SGCZ: variants seen among roughly 807,000 people sequenced by gnomAD.
SGCZ encodes zeta-sarcoglycan.
In SGCZ, 40 loss-of-function variants were observed where a neutral mutation model predicts 41.3. The observed-to-expected ratio is 0.97, with a 90% confidence interval of 0.75 to 1.26. SGCZ has a LOEUF of 1.26. SGCZ is among the 50% of genes most tolerant of loss of function. The pLI is 0.00. For missense variants in SGCZ, 552 were observed against 369.8 expected (o/e 1.49, Z -4.04); for synonymous variants, 206 against 137.5 (o/e 1.50, Z -3.49).
At chr8:14,228,354 A>C (rs1806446391) in intron 4 of SGCZ, among the ~76,000 whole-genome samples, 1 of 152,090 alleles carries the variant, frequency 6.6e-6, no homozygotes, top group African/African-American at 2.4e-5. Flanking sequence ...AAAATATCTA[A>C]AAGAGAAAAT....
At chr8:14,230,227 G>C (rs10216716) in intron 4 of SGCZ, among the ~76,000 whole-genome samples, 1 of 151,738 alleles carries the variant, frequency 6.6e-6, no homozygotes, top group Non-Finnish European at 1.5e-5. Context: ...GAAAAGAGTC[G>C]TGGAGACAAT....
intron 1 of SGCZ, among the ~76,000 whole-genome samples, chr8:15,050,525 C>G (rs1323510444): frequency 1.3e-5 from 2 of 152,130 alleles, no homozygotes; most frequent in African/African-American, 2.4e-5. Flanking sequence ...ACATGTGACC[C>G]ATGATGTAAG....
chr8:14,321,647 C>G lies in SGCZ; in HGVS notation c.336+2456G>C, dbSNP rs142760524. On this transcript the variant is annotated intron_variant, in intron 3 of 7. Transcript: ENST00000382080. ...TAGAGGTTAAACATACACAACCACA[C>G]ACAGAAATCAAAATTATTCTACCCA... 2.7e-3 allele frequency among the ~76,000 whole-genome samples: 413 copies of G among 152,226 alleles called. 1 individual carries two copies. Among genetic ancestry groups the G allele is most frequent in the African/African-American group, 9.2e-3 (383 of 41,550 alleles).
intron 6 of SGCZ, among the ~76,000 whole-genome samples, chr8:14,107,244 A>T (rs565206761): frequency 8.5e-4 from 129 of 152,038 alleles, no homozygotes; most frequent in South Asian, 4.4e-3. Context: ...ATAAATAAAA[A>T]AAAAAAACAT....
chr8:14,950,313 G>A (rs1438375123), intron 1 of SGCZ, among the ~76,000 whole-genome samples: 1 of 151,832 alleles, frequency 6.6e-6, no homozygotes, highest in African/African-American at 2.4e-5. Context: ...AATGTTTTAT[G>A]TATCTCCCTC....
chr8:15,012,213 C>G (rs970872916), intron 1 of SGCZ, among the ~76,000 whole-genome samples: 1 of 151,722 alleles, frequency 6.6e-6, no homozygotes, highest in Non-Finnish European at 1.5e-5. Context: ...CTGTAATACC[C>G]GCATTTTGGG....
At chr8:14,814,758 C>T (rs148049037) in intron 1 of SGCZ, among the ~76,000 whole-genome samples, 2 of 152,046 alleles carry the variant, frequency 1.3e-5, no homozygotes, top group East Asian at 1.9e-4. Context: ...TTGCAGAAAT[C>T]GGTTAAGACT....
At chr8:14,519,837 C>A (rs1325357009) in intron 2 of SGCZ, among the ~76,000 whole-genome samples, 1 of 152,078 alleles carries the variant, frequency 6.6e-6, no homozygotes, top group East Asian at 1.9e-4. Flanking sequence ...GCGTGGCATA[C>A]CACTGATCGT....
chr8:14,351,588 T>C (rs1002040106), intron 2 of SGCZ, among the ~76,000 whole-genome samples: 1 of 151,292 alleles, frequency 6.6e-6, no homozygotes, highest in Non-Finnish European at 1.5e-5. Context: ...GTATATATTA[T>C]ATAGGAAATT....
rs187572260 is a variant in SGCZ, at chr8:14,526,823, C to G, written c.234+27909G>C. Among the ~76,000 whole-genome samples the G allele has an allele frequency of 7.2e-4, 110 of 152,096 alleles. No individual in the cohort carries two copies. The East Asian group carries it at 0.019, about 27-fold the overall frequency. ...CAGGAGAATTTATCTATGACAGATT[C>G]GTACCACATACACAAAACTGAGCTT... On this transcript the variant is annotated intron_variant, in intron 2 of 7. Transcript: ENST00000382080.
chr8:14,696,052 A>T (rs1808950717), intron 1 of SGCZ, among the ~76,000 whole-genome samples: 2 of 152,064 alleles, frequency 1.3e-5, no homozygotes, highest in Non-Finnish European at 1.5e-5. Flanking sequence ...TCCCGGGACA[A>T]ATATTGGTTT....
intron 3 of SGCZ, among the ~76,000 whole-genome samples, chr8:14,288,527 T>G (rs1800722839): frequency 6.6e-6 from 1 of 152,160 alleles, no homozygotes; most frequent in African/African-American, 2.4e-5. Flanking sequence ...AATGGGCTTA[T>G]ATAATAAATG....
intron 2 of SGCZ, among the ~76,000 whole-genome samples, chr8:14,388,274 T>A (rs918553735): frequency 6.6e-6 from 1 of 152,038 alleles, no homozygotes; most frequent in Non-Finnish European, 1.5e-5. Flanking sequence ...ATATCACAGT[T>A]GCAGCCATGT....
intron 3 of SGCZ, among the ~76,000 whole-genome samples, chr8:14,322,040 T>C (rs1801933650): frequency 6.6e-6 from 1 of 152,146 alleles, no homozygotes; most frequent in Admixed American, 6.6e-5. Context: ...GCTTATAAAA[T>C]ACATTTTTCT....
At chr8:14,695,160 TA>T (rs201954499) in intron 1 of SGCZ, among the ~76,000 whole-genome samples, 2,499 of 150,786 alleles carry the variant, frequency 0.017, 38 homozygotes, top group South Asian at 0.084. Flanking sequence ...GGAGTTAAAA[TA>T]AAAAAAAATA....
chr8:15,097,902 A>G (rs1309191014), intron 1 of SGCZ, among the ~76,000 whole-genome samples: 7 of 127,870 alleles, frequency 5.5e-5, no homozygotes, highest in Non-Finnish European at 1.0e-4. Context: ...ATATATATAT[A>G]TATATATACG....
At chr8:14,509,916 TG>T (rs965733849) in intron 2 of SGCZ, among the ~76,000 whole-genome samples, 11 of 152,014 alleles carry the variant, frequency 7.2e-5, no homozygotes, top group African/African-American at 2.2e-4. Flanking sequence ...AAGAACAGCA[TG>T]GGGGGACACG....
rs1806093314 is a variant in SGCZ at position 14,616,131 on chromosome 8, A to C, written c.40-61205T>G. ...ACCTCATCTCTACTAAAAAATACAAAATTTAGCCGGGCGTGGGAGCGGGCG... is the reference window on the plus strand; with the variant it reads ...ACCTCATCTCTACTAAAAAATACAACATTTAGCCGGGCGTGGGAGCGGGCG... On this transcript the variant is annotated intron_variant, in intron 1 of 7. Transcript: ENST00000382080. Among the ~76,000 whole-genome samples, 8 of 152,004 alleles carry C rather than the reference A, an allele frequency of 5.3e-5. No individual in the cohort carries two copies. In the South Asian group the frequency reaches 1.5e-3, roughly 28 times the overall value.
chr8:14,623,201 A>T (rs115035614), intron 1 of SGCZ, among the ~76,000 whole-genome samples: 2,885 of 152,336 alleles, frequency 0.019, 54 homozygotes, highest in African/African-American at 0.046. Context: ...AATCAAGATG[A>T]ATATAACACC....
Sources: allele counts gnomAD v4.1 joint callset (sites outside exome capture counted in the v4.1 genomes callset), GRCh38; gene constraint gnomAD v4.1.1; transcripts MANE v1.5; gene names NCBI Gene and HGNC (gene_info 2026-07-23, HGNC 2026-07-21).